The following INPP5A variants were observed in gnomAD, a reference collection of about 807,000 sequenced individuals.
The protein encoded by INPP5A is 43 kDa inositol polyphosphate 5-phophatase.
A neutral mutation model predicts 65.2 loss-of-function variants in INPP5A; 14 were observed. That is an observed-to-expected ratio of 0.21 (90% CI 0.14 to 0.34). INPP5A has a LOEUF of 0.34. INPP5A is among the 10% of genes least tolerant of loss of function. INPP5A has a pLI of 1.00. For synonymous variants in INPP5A, 207 were observed against 208.3 expected, an observed-to-expected ratio of 0.99 and a Z score of 0.05; for missense variants, 431 against 545.6, an observed-to-expected ratio of 0.79 and a Z score of 2.09.
intron 1 of INPP5A, among the ~76,000 whole-genome samples, chr10:132,593,900 C>A (rs2071650188): frequency 6.6e-6 from 1 of 152,128 alleles, no homozygotes; most frequent in Non-Finnish European, 1.5e-5. Context: ...TTAAGTTTGC[C>A]AGGAACTATA....
At chr10:132,638,829 A>G (rs1378782693) in intron 2 of INPP5A, among the ~76,000 whole-genome samples, 2 of 152,072 alleles carry the variant, frequency 1.3e-5, no homozygotes, top group African/African-American at 4.8e-5. Context: ...CGGCCTCCCA[A>G]ATTGCTGGGA....
chr10:132,763,820 AAC>A (rs1356629955), intron 11 of INPP5A, among the ~76,000 whole-genome samples: 4 of 150,740 alleles, frequency 2.7e-5, no homozygotes, highest in African/African-American at 7.4e-5. Flanking sequence ...TACACGCATA[AAC>A]ACATCTGCAT....
intron 11 of INPP5A, among the ~76,000 whole-genome samples, chr10:132,754,831 C>T (rs1315431981): frequency 6.6e-6 from 1 of 152,256 alleles, no homozygotes; most frequent in Non-Finnish European, 1.5e-5. Context: ...CCACAACTTG[C>T]CTTGGGGTTG....
intron 1 of INPP5A, among the ~76,000 whole-genome samples, chr10:132,557,440 G>C (rs1259214982): frequency 6.6e-6 from 1 of 152,262 alleles, no homozygotes; most frequent in South Asian, 2.1e-4. Flanking sequence ...CACGAGGGGG[G>C]TTTCCCCAAC....
rs187800137 is a variant in INPP5A at position 132,655,126 on chromosome 10, C to T, written c.306+4621C>T. Among the ~76,000 whole-genome samples, 140 of 152,342 alleles carry T rather than the reference C, an allele frequency of 9.2e-4. 1 individual carries two copies. Among genetic ancestry groups the T allele is most frequent in the Admixed American group, 2.7e-3 (42 of 15,312 alleles). On this transcript the variant is annotated intron_variant, in intron 4 of 15. Coordinates refer to ENST00000368594, the MANE Select transcript of INPP5A (RefSeq NM_005539.5). Reference sequence around the variant, plus strand: ...TGCCCAGGCTGAGCCCCGAGCTCTGCGCCCGCATGGAAAATGGAAAAGTGG... The same window carrying T: ...TGCCCAGGCTGAGCCCCGAGCTCTGTGCCCGCATGGAAAATGGAAAAGTGG...
In INPP5A at chr10:132,681,050, G is replaced by A. The variant is rs192493679; in HGVS notation, c.307-9342G>A. 5.4e-3 allele frequency among the ~76,000 whole-genome samples: 824 copies of A among 152,368 alleles called. 6 individuals carry two copies. The highest frequency in any genetic ancestry group is 9.6e-3 in the Non-Finnish European group (651 of 68,032). ...CTTGAGGAGTGCGGGCGCACAGCGC[G>A]GGACTGGCAGGCAGCTCCACCTGCA... On this transcript the variant is annotated intron_variant, in intron 4 of 15. Transcript: ENST00000368594.
chr10:132,618,245 A>G (rs981062829), intron 2 of INPP5A, among the ~76,000 whole-genome samples: 1 of 152,264 alleles, frequency 6.6e-6, no homozygotes, highest in African/African-American at 2.4e-5. Context: ...GGAAGAATCC[A>G]GAATGTAGGC....
In INPP5A at chr10:132,718,411, C is replaced by T. The variant is rs376912684; in HGVS notation, c.647+7955C>T. On this transcript the variant is annotated intron_variant, in intron 8 of 15. Coordinates refer to ENST00000368594, the MANE Select transcript of INPP5A (RefSeq NM_005539.5). Reference sequence around the variant, plus strand: ...CTGGGCGCCTTAGACGACTGTCTTGCGGGTTCTGTGGTACCTGGGTTCTGT... The same window carrying T: ...CTGGGCGCCTTAGACGACTGTCTTGTGGGTTCTGTGGTACCTGGGTTCTGT... 5.8e-4 allele frequency among the ~76,000 whole-genome samples: 62 copies of T among 106,756 alleles called. No individual in the cohort carries two copies. The South Asian group carries it at 0.017, about 29-fold the overall frequency. The allele number at this position is 106,756 out of a possible 152,430, so 70.0% of individuals were successfully genotyped here.
chr10:132,700,114 C>G (rs1845413186), intron 6 of INPP5A, among the ~76,000 whole-genome samples: 1 of 152,248 alleles, frequency 6.6e-6, no homozygotes, highest in Admixed American at 6.5e-5. Flanking sequence ...TGTATAGAAA[C>G]CCCAGCCCCC....
chr10:132,588,033 AG>A lies in INPP5A; in HGVS notation c.76-19880del, dbSNP rs772981426. ...ATCTCAAAAAAAAAAAAAAAAAAAA[AG>A]GATTTGATCCTCTCTAATGATAAGT... On this transcript the variant is annotated intron_variant, in intron 1 of 15. Coordinates refer to ENST00000368594, the MANE Select transcript of INPP5A (RefSeq NM_005539.5). Among the ~76,000 whole-genome samples the A allele has an allele frequency of 3.3e-3, 502 of 151,288 alleles. 1 individual carries two copies. The highest frequency in any genetic ancestry group is 6.9e-3 in the Middle Eastern group (2 of 288).
chr10:132,643,184 C>T (rs2072448538), intron 2 of INPP5A, among the ~76,000 whole-genome samples: 1 of 152,052 alleles, frequency 6.6e-6, no homozygotes, highest in African/African-American at 2.4e-5. Flanking sequence ...TCAGTTAGCT[C>T]TGCTAGTATA....
At chr10:132,771,533 T>C (rs1591002736) in intron 12 of INPP5A, among the ~76,000 whole-genome samples, 1 of 150,086 alleles carries the variant, frequency 6.7e-6, no homozygotes, top group Admixed American at 6.6e-5. Context: ...GCCGCAGGGG[T>C]CCCAGGGACC....
chr10:132,682,349 C>T (rs200293783), intron 4 of INPP5A, among the ~76,000 whole-genome samples: 6 of 151,002 alleles, frequency 4.0e-5, no homozygotes, highest in African/African-American at 9.9e-5. Flanking sequence ...GCGCGGACTG[C>T]GTGCCACTGA....
intron 4 of INPP5A, among the ~76,000 whole-genome samples, chr10:132,656,706 C>G (rs1348418478): frequency 6.6e-6 from 1 of 152,240 alleles, no homozygotes; most frequent in Non-Finnish European, 1.5e-5. Context: ...TGAAGGGCAC[C>G]AAGCAGGGTT....
chr10:132,738,455 G>A (rs953126419), intron 9 of INPP5A, among the ~76,000 whole-genome samples: 3 of 152,232 alleles, frequency 2.0e-5, no homozygotes, highest in African/African-American at 7.2e-5. Flanking sequence ...GGAAGGCTGG[G>A]GATGTCCGGG....
At chr10:132,541,648 GA>G (rs2070908128) in intron 1 of INPP5A, among the ~76,000 whole-genome samples, 1 of 152,236 alleles carries the variant, frequency 6.6e-6, no homozygotes, top group Non-Finnish European at 1.5e-5. Flanking sequence ...CTGGCAGAGC[GA>G]TTACATCATC....
At chr10:132,717,353 G>A (rs752244726) in intron 8 of INPP5A, among the ~76,000 whole-genome samples, 12 of 150,652 alleles carry the variant, frequency 8.0e-5, no homozygotes, top group Non-Finnish European at 1.5e-4. Context: ...GCGGCACTGG[G>A]GATCAGCGGG....
intron 8 of INPP5A, among the ~76,000 whole-genome samples, chr10:132,711,617 C>T (rs187746526): frequency 9.7e-4 from 148 of 152,322 alleles, no homozygotes; most frequent in African/African-American, 3.4e-3. Context: ...GTTACACTCC[C>T]GACTAAGCGT....
chr10:132,694,653 C>A (rs184104049), intron 5 of INPP5A, among the ~76,000 whole-genome samples: 2 of 152,094 alleles, frequency 1.3e-5, no homozygotes, highest in Admixed American at 1.3e-4. Flanking sequence ...AAACCTCTAG[C>A]CAGACTAAGA....
Sources: allele counts gnomAD v4.1 joint callset (sites outside exome capture counted in the v4.1 genomes callset), GRCh38; gene constraint gnomAD v4.1.1; transcripts MANE v1.5; gene names NCBI Gene and HGNC (gene_info 2026-07-23, HGNC 2026-07-21).